The following NDUFS5 variants were observed in gnomAD, a reference collection of about 807,000 sequenced individuals.
NDUFS5 encodes the protein NADH dehydrogenase [ubiquinone] iron-sulfur protein 5.
In NDUFS5, 7 loss-of-function variants were observed where a neutral mutation model predicts 10.5. That is an observed-to-expected ratio of 0.66 (90% CI 0.38 to 1.25). NDUFS5 has a LOEUF of 1.25. Ranked by LOEUF, NDUFS5 falls within the 50% of genes most tolerant of loss-of-function variation. The probability of loss-of-function intolerance (pLI) is 0.02; values close to 1 mark genes in which losing one functional copy is unlikely to be tolerated. For missense variants in NDUFS5, 148 were observed against 140.7 expected (o/e 1.05, Z -0.26); for synonymous variants, 38 against 44.0 (o/e 0.86, Z 0.54).
intron 2 of NDUFS5, among the ~76,000 whole-genome samples, chr1:39,032,887 G>A (rs1644199602): frequency 6.6e-6 from 1 of 152,176 alleles, no homozygotes; most frequent in African/African-American, 2.4e-5. Context: ...GCTGACTGGA[G>A]GGAGCTAGGG....
chr1:39,030,045 C>T (rs7532156), intron 2 of NDUFS5, among the ~76,000 whole-genome samples: 106,742 of 151,628 alleles, frequency 0.7, 39,647 homozygotes, highest in Non-Finnish European at 0.85. Flanking sequence ...GAGCCGAGAT[C>T]GTGCCACCGC....
At chr1:39,027,632 G>A (rs375356985) in intron 1 of NDUFS5, among the ~76,000 whole-genome samples, 1 of 113,722 alleles carries the variant, frequency 8.8e-6, no homozygotes, top group African/African-American at 3.2e-5. Flanking sequence ...AGGATGGAGT[G>A]CAGTGGCCAG....
rs35007555 is a variant in NDUFS5, at chr1:39,030,407, GAA to G, written c.216+1480_216+1481del. Among the ~76,000 whole-genome samples, 121 of 133,728 alleles carry G rather than the reference GAA, an allele frequency of 9.0e-4. 1 individual carries two copies. The highest frequency in any genetic ancestry group is 4.1e-3 in the Middle Eastern group (1 of 242). The allele number at this position is 133,728 out of a possible 152,430, so 87.7% of individuals were successfully genotyped here. Reference sequence around the variant, plus strand: ...GCGACAGAGCGAGACTCCGTCTCAAGAAAAAAAAAAAAAAGATGGCCCGGCAC... The same window carrying G: ...GCGACAGAGCGAGACTCCGTCTCAAGAAAAAAAAAAAAGATGGCCCGGCAC... On this transcript the variant is annotated intron_variant, in intron 2 of 2. Coordinates refer to ENST00000372969, the MANE Select transcript of NDUFS5 (RefSeq NM_004552.3).
chr1:39,034,441 A>G lies in NDUFS5; in HGVS notation c.266A>G (p.Glu89Gly), dbSNP rs977864845. 7 of 1,613,808 alleles carry G rather than the reference A, an allele frequency of 4.3e-6. No homozygotes were observed. In the East Asian group the frequency reaches 1.3e-4, roughly 31 times the overall value. The change falls in exon 3 of 3, where the codon GAA becomes GGA. Residue 89 changes from glutamate to glycine, a missense_variant. Glu to Gly is a moderately conservative substitution (Grantham distance 98, BLOSUM62 -2). Transcript: ENST00000372969. ...AAGCAGCGGGATAAGCTGATAAAGG[A>G]AGGAAAGTACACCCCTCCACCTCAC... Reference protein sequence around the residue: ...IRKQRDKLIKEGKYTPPPHHI... With the variant: ...IRKQRDKLIKGGKYTPPPHHI...
At chr1:39,030,909 G>A (rs116487751) in intron 2 of NDUFS5, among the ~76,000 whole-genome samples, 115 of 152,116 alleles carry the variant, frequency 7.6e-4, no homozygotes, top group African/African-American at 2.7e-3. Context: ...TCTCACTCCC[G>A]TCGCCCAGGC....
chr1:39,026,586 C>A (rs72940832), intron 1 of NDUFS5, among the ~76,000 whole-genome samples, 184 bp downstream of exon 1: 23 of 152,300 alleles, frequency 1.5e-4, no homozygotes, highest in African/African-American at 4.6e-4. Context: ...TGGAGATTGC[C>A]GCTCTCTCCA....
At chr1:39,027,574 C>T (rs78875652) in intron 1 of NDUFS5, among the ~76,000 whole-genome samples, 13,996 of 75,994 alleles carry the variant, frequency 0.18, 1,033 homozygotes, top group Non-Finnish European at 0.3. Flanking sequence ...CCATTTCTTT[C>T]GCTCTGGTTT....
In NDUFS5 at chr1:39,033,746, C is replaced by T. The variant is rs543646952; in HGVS notation, c.217-646C>T. Among the ~76,000 whole-genome samples the T allele has an allele frequency of 3.2e-3, 483 of 151,774 alleles. 5 individuals carry two copies. Among genetic ancestry groups the T allele is most frequent in the African/African-American group, 0.011 (447 of 41,436 alleles). ...TGAACTCCTGACCTTGTGATTCGCC[C>T]GCCTCGGCCTCCCAAAGTGCTGGGA... On this transcript the variant is annotated intron_variant, in intron 2 of 2. Coordinates refer to ENST00000372969, the MANE Select transcript of NDUFS5 (RefSeq NM_004552.3).
intron 1 of NDUFS5, among the ~76,000 whole-genome samples, 193 bp from the exon 2 acceptor site, chr1:39,028,530 A>G (rs951262090): frequency 2.6e-5 from 4 of 152,088 alleles, no homozygotes; most frequent in Admixed American, 2.0e-4. Context: ...AAGCGCAAAA[A>G]CTGCTTATCT....
In NDUFS5 at chr1:39,031,929, G is replaced by A. The variant is rs147117299; in HGVS notation, c.217-2463G>A. 7.3e-4 allele frequency among the ~76,000 whole-genome samples: 111 copies of A among 152,052 alleles called. 1 individual carries two copies. Among genetic ancestry groups the A allele is most frequent in the Middle Eastern group, 3.4e-3 (1 of 292 alleles). ...AAATTTAACTTTGGGAGGCTGAGGC[G>A]GTGGATTACCTGAGGTGAGGAGTTC... On this transcript the variant is annotated intron_variant, in intron 2 of 2. Transcript: ENST00000372969.
chr1:39,028,621 G>C, intron 1 of NDUFS5, 102 bp from the exon 2 acceptor site: 1 of 1,011,726 alleles, frequency 9.9e-7, no homozygotes, highest in South Asian at 1.4e-5. Context: ...GTGTTCTAGA[G>C]GGCTACTTAG....
intron 2 of NDUFS5, among the ~76,000 whole-genome samples, chr1:39,033,466 G>GGGAGGCTGAGGCA (rs1644206568): frequency 1.3e-5 from 2 of 150,716 alleles, no homozygotes; most frequent in Admixed American, 1.3e-4. Context: ...CCAGCGACTC[G>GGGAGGCTGAGGCA]GGAGGCTGAG....
chr1:39,027,196 G>A (rs548644112), intron 1 of NDUFS5, among the ~76,000 whole-genome samples: 21 of 152,206 alleles, frequency 1.4e-4, no homozygotes, highest in Admixed American at 4.6e-4. Flanking sequence ...TGAGACTCCC[G>A]AGTAGCTGGG....
chr1:39,029,983 C>T (rs534248873), intron 2 of NDUFS5, among the ~76,000 whole-genome samples: 22 of 151,322 alleles, frequency 1.5e-4, no homozygotes, highest in African/African-American at 5.1e-4. Flanking sequence ...CCCAGCTGCT[C>T]GGGAGGCTGA....
chr1:39,028,934 G>GA lies in NDUFS5; in HGVS notation c.214dup (p.Thr72AsnfsTer14), dbSNP rs1380158762. 6.2e-7 allele frequency: 1 copy of GA among 1,612,478 alleles called. No homozygotes were observed. Among genetic ancestry groups the GA allele is most frequent in the South Asian group, 1.1e-5 (1 of 91,022 alleles). On this transcript the variant is annotated frameshift_variant, in exon 2 of 3. Transcript: ENST00000372969. LOFTEE classifies it high-confidence loss of function. ...ATTTCGTAGAGTGTTTGCTTCGGCA[G>GA]AAAACGGTAAGGAAATGATGGAGGT...
At chr1:39,032,947 G>A (rs1050509383) in intron 2 of NDUFS5, among the ~76,000 whole-genome samples, 8 of 152,138 alleles carry the variant, frequency 5.3e-5, no homozygotes, top group African/African-American at 1.9e-4. Context: ...ACCATGATAA[G>A]GATTCATCTT....
At chr1:39,026,558 G>A (rs947785238) in intron 1 of NDUFS5, among the ~76,000 whole-genome samples, 156 bp downstream of exon 1, 1 of 152,196 alleles carries the variant, frequency 6.6e-6, no homozygotes, top group African/African-American at 2.4e-5. Flanking sequence ...CACCTCCACA[G>A]CTAATGGCAC....
At chr1:39,032,463 C>A (rs1158924117) in intron 2 of NDUFS5, among the ~76,000 whole-genome samples, 1 of 152,030 alleles carries the variant, frequency 6.6e-6, no homozygotes, top group Non-Finnish European at 1.5e-5. Context: ...GAAGTTATAT[C>A]AACACTACTT....
Position 39,028,953 on chromosome 1 carries a change from T to C in NDUFS5, c.216+13T>C. On this transcript the variant is annotated intron_variant, in intron 2 of 2. Transcript: ENST00000372969. ...TCGGCAGAAAACGGTAAGGAAATGA[T>C]GGAGGTGGAAGCTGAATTACTTTCT... is the stretch of plus-strand genomic sequence containing the variant. The C allele has an allele frequency of 6.2e-7, 1 of 1,609,682 alleles. No homozygotes were observed. The highest frequency in any genetic ancestry group is 8.5e-7 in the Non-Finnish European group (1 of 1,176,968).
Sources: gnomAD v4.1 joint callset for allele counts (sites outside exome capture counted in the v4.1 genomes callset) on GRCh38, gnomAD v4.1.1 for gene constraint, MANE v1.5 for transcripts, NCBI Gene and HGNC (gene_info 2026-07-23, HGNC 2026-07-21) for gene names.